Variants in CNTFR observed in about 807,000 individuals in gnomAD.
CNTFR encodes ciliary neurotrophic factor receptor subunit alpha.
A neutral mutation model predicts 40.4 loss-of-function variants in CNTFR; 12 were observed. The observed-to-expected ratio is 0.30, with a 90% CI of 0.19 to 0.48. CNTFR has a LOEUF of 0.48. CNTFR is among the 20% of genes least tolerant of loss of function. The pLI is 0.99. For synonymous variants in CNTFR, 202 were observed against 209.6 expected, an observed-to-expected ratio of 0.96 and a Z score of 0.31; for missense variants, 414 against 506.8, an observed-to-expected ratio of 0.82 and a Z score of 1.76.
chr9:34,571,546 G>A (rs72735293), intron 2 of CNTFR: 3,540 of 146,680 alleles, frequency 0.024, 62 homozygotes, highest in Admixed American at 0.033. Flanking sequence ...ACGTGCATGC[G>A]TGCACGCGTG....
In CNTFR at chr9:34,556,422, T is replaced by C; in HGVS notation, c.605-4A>G. On this transcript the variant is annotated splice_polypyrimidine_tract_variant and splice_region_variant and intron_variant, in intron 6 of 9. Coordinates refer to ENST00000378980, the MANE Select transcript of CNTFR (RefSeq NM_147164.3). ...TTTTCTGGAGGATCAGGCTTCACTG[T>C]TCAGGAGACATAGCTTCATTACTAC... is the stretch of plus-strand genomic sequence containing the variant. 6.3e-7 allele frequency: 1 copy of C among 1,599,990 alleles called. No homozygotes were observed. Among genetic ancestry groups the C allele is most frequent in the Non-Finnish European group, 8.5e-7 (1 of 1,171,830 alleles).
chr9:34,566,541 C>A (rs989893470), intron 3 of CNTFR, among the ~76,000 whole-genome samples: 2 of 152,152 alleles, frequency 1.3e-5, no homozygotes, highest in African/African-American at 2.4e-5. Context: ...AGCCACTGAG[C>A]CCCCCTCCAG....
At chr9:34,589,887 C>G (rs1053325768), upstream of CNTFR, 13 of 151,338 alleles carry the variant, frequency 8.6e-5, no homozygotes, top group African/African-American at 3.2e-4. The surrounding 1 kb of genome is among the most constrained non-coding windows in gnomAD (Gnocchi z 4.4). Flanking sequence ...CCTCCGCGGC[C>G]GCGCGCCACG....
In CNTFR at chr9:34,589,189, G is replaced by A. The variant is rs1049492082; in HGVS notation, c.-112+366C>T. The stretch of plus-strand genomic sequence containing the variant: ...TGCCCGAGAAAGAAGCCACCTTTGG[G>A]CGCGCAAAGGCCACTACGAACCTCC... On this transcript the variant is annotated intron_variant, in intron 1 of 9. Transcript: ENST00000378980. This position sits in a 1 kb window ranked among gnomAD's most constrained non-coding sequence, Gnocchi z 4.4. Among the ~76,000 whole-genome samples, 15 of 152,064 alleles carry A rather than the reference G, an allele frequency of 9.9e-5. No individual in the cohort carries two copies. Among genetic ancestry groups the A allele is most frequent in the African/African-American group, 3.6e-4 (15 of 41,400 alleles).
chr9:34,557,635 G>A lies in CNTFR; in HGVS notation c.495C>T (p.His165=). The A allele has an allele frequency of 1.2e-6, 2 of 1,614,236 alleles. No homozygotes were observed. The highest frequency in any genetic ancestry group is 1.7e-5 in the Admixed American group (1 of 60,026). Residue 165 remains histidine, a synonymous_variant, in exon 6 of 10, where the codon CAC becomes CAT. Coordinates refer to ENST00000378980, the MANE Select transcript of CNTFR (RefSeq NM_147164.3). This position sits in a 1 kb window ranked among gnomAD's most constrained non-coding sequence, Gnocchi z 4.2. ...EKDPALKNRC[H]IRYMHLFSTI... ...TGGAGAACAGGTGCATGTAGCGAAT[G>A]TGGCAGCGGTTCTTGAGGGCTGGGT... is the stretch of plus-strand genomic sequence containing the variant.
chr9:34,558,932 G>A (rs1269984367), intron 4 of CNTFR, among the ~76,000 whole-genome samples: 4 of 152,148 alleles, frequency 2.6e-5, no homozygotes, highest in Admixed American at 1.3e-4. Flanking sequence ...TTTTGCTGCC[G>A]TGAGCACTTA....
chr9:34,552,448 G>T lies in CNTFR; in HGVS notation c.950-119C>A. Reference sequence around the variant, plus strand: ...AGACTGGTACTGCCTCCCCCATCAGGCAGATCCTGTTTCCCAAGGCTCACA... The same window carrying T: ...AGACTGGTACTGCCTCCCCCATCAGTCAGATCCTGTTTCCCAAGGCTCACA... On this transcript the variant is annotated intron_variant, in intron 8 of 9. Transcript: ENST00000378980. The surrounding 1 kb of genome is among the most constrained non-coding windows in gnomAD (Gnocchi z 5.1). 1.7e-6 allele frequency: 2 copies of T among 1,162,096 alleles called. No individual in the cohort carries two copies. Among genetic ancestry groups the T allele is most frequent in the African/African-American group, 1.5e-5 (1 of 64,824 alleles). 72.0% of individuals were successfully genotyped at this position (1,162,096 alleles called of 1,614,324 possible). A position where few individuals can be genotyped will look rare whatever the true frequency, so the allele number is the denominator to read the frequency against.
At chr9:34,586,606 G>A (rs1015234453) in intron 1 of CNTFR, among the ~76,000 whole-genome samples, 1 of 152,170 alleles carries the variant, frequency 6.6e-6, no homozygotes, top group African/African-American at 2.4e-5. Flanking sequence ...TACCACAGAA[G>A]GGATGTCCAA....
Position 34,586,392 on chromosome 9 carries a change from C to G in CNTFR, c.-112+3163G>C, listed in dbSNP as rs1002222877. ...GGTGGGATCCCGTCTCCTCCTCCAG[C>G]TACTTTCTCCCCACAGATCTGAGGC... On this transcript the variant is annotated intron_variant, in intron 1 of 9. Transcript: ENST00000378980. Among the ~76,000 whole-genome samples the G allele has an allele frequency of 1.3e-5, 2 of 152,198 alleles. 1 individual carries two copies. The highest frequency in any genetic ancestry group is 1.3e-4 in the Admixed American group (2 of 15,290).
At chr9:34,574,772 C>G (rs1419538376) in intron 2 of CNTFR, among the ~76,000 whole-genome samples, 1 of 152,228 alleles carries the variant, frequency 6.6e-6, no homozygotes, top group Non-Finnish European at 1.5e-5. Context: ...ACTCAGTGCT[C>G]AAAACCCCCA....
rs112483434 is a variant in CNTFR at position 34,564,728 on chromosome 9, G to A, written c.190C>T (p.Leu64=). 468 of 1,614,130 alleles carry A rather than the reference G, an allele frequency of 2.9e-4. 2 individuals carry two copies. In the African/African-American group the frequency reaches 5.7e-3, roughly 20 times the overall value. Residue 64 remains leucine (L), a synonymous_variant, in exon 4 of 10, where the codon CTG becomes TTG. Coordinates refer to ENST00000378980, the MANE Select transcript of CNTFR (RefSeq NM_147164.3). Reference sequence around the variant, plus strand: ...GAGCCGTTGAGCAGGTCAGGGGCCAGGTCTGTCCCATTTACCCGCCACGTC... The same window carrying A: ...GAGCCGTTGAGCAGGTCAGGGGCCAAGTCTGTCCCATTTACCCGCCACGTC... The part of the protein sequence containing the change: ...AVTWRVNGTD[L]APDLLNGSQL...
intron 1 of CNTFR, among the ~76,000 whole-genome samples, chr9:34,584,133 T>G (rs575756106): frequency 6.6e-6 from 1 of 152,352 alleles, no homozygotes; most frequent in South Asian, 2.1e-4. Context: ...TGGAACATCC[T>G]GAAGCTGGTC....
Position 34,557,655 on chromosome 9 carries a change from C to A in CNTFR, c.475G>T (p.Ala159Ser), listed in dbSNP as rs1825903332. The change falls in exon 6 of 10, where the codon GCC becomes TCC. Residue 159 changes from alanine to serine, a missense_variant. Transcript: ENST00000378980. This position sits in a 1 kb window ranked among gnomAD's most constrained non-coding sequence, Gnocchi z 4.2. ...CGAATGTGGCAGCGGTTCTTGAGGG[C>A]TGGGTCCTTCTCACAGACCATAATT... Reference protein sequence around the residue: ...SKIMVCEKDPALKNRCHIRYM... With the variant: ...SKIMVCEKDPSLKNRCHIRYM... The A allele has an allele frequency of 3.7e-6, 6 of 1,614,176 alleles. No homozygotes were observed. The East Asian group carries it at 1.3e-4, about 36-fold the overall frequency.
At chr9:34,570,815 G>T (rs949043267) in intron 2 of CNTFR, among the ~76,000 whole-genome samples, 1 of 152,200 alleles carries the variant, frequency 6.6e-6, no homozygotes. Context: ...ACAAATGTGG[G>T]TATCAGCCTG....
Position 34,551,744 on chromosome 9 carries a change from T to G in CNTFR, c.*327A>C. 7.8e-5 allele frequency: 40 copies of G among 513,910 alleles called. No individual in the cohort carries two copies. Among genetic ancestry groups the G allele is most frequent in the African/African-American group, 1.2e-4 (6 of 51,072 alleles). 31.8% of individuals were successfully genotyped at this position (513,910 alleles called of 1,614,324 possible). On this transcript the variant is annotated 3_prime_UTR_variant, in exon 10 of 10. Coordinates refer to ENST00000378980, the MANE Select transcript of CNTFR (RefSeq NM_147164.3). ...GGCTGGGGCAGGAGGAGAAATCGGA[T>G]GTGAGAGGCTCCCCTCACGTCCCCC...
At chr9:34,575,906 C>T (rs1456188478) in intron 2 of CNTFR, among the ~76,000 whole-genome samples, 5 of 152,142 alleles carry the variant, frequency 3.3e-5, no homozygotes, top group Non-Finnish European at 5.9e-5. Context: ...TGGGCAAGAC[C>T]GAGCCATCCT....
At chr9:34,577,464 T>A (rs919122643) in intron 2 of CNTFR, among the ~76,000 whole-genome samples, 4 of 152,024 alleles carry the variant, frequency 2.6e-5, no homozygotes, top group Admixed American at 6.6e-5. Context: ...AGGTAGGTGG[T>A]GGGAGCCAAA....
chr9:34,564,578 A>G, intron 4 of CNTFR, 21 bp downstream of exon 4: 2 of 1,584,376 alleles, frequency 1.3e-6, no homozygotes, highest in Non-Finnish European at 1.7e-6. Context: ...AGGCTGGATG[A>G]GGGGTGGGGG....
intron 2 of CNTFR, among the ~76,000 whole-genome samples, chr9:34,572,768 GTCA>G (rs1172967874): frequency 6.6e-6 from 1 of 152,202 alleles, no homozygotes; most frequent in Non-Finnish European, 1.5e-5. Context: ...GATGTTGACA[GTCA>G]CCACGATGAC....
Sources: gnomAD v4.1 joint callset for allele counts (sites outside exome capture counted in the v4.1 genomes callset) on GRCh38, gnomAD v4.1.1 for gene constraint, Gnocchi (gnomAD v3.1) non-coding constraint, MANE v1.5 for transcripts, NCBI Gene and HGNC (gene_info 2026-07-23, HGNC 2026-07-21) for gene names.